The following PABPC4L variants were observed in gnomAD, a reference collection of about 807,000 sequenced individuals.
PABPC4L encodes polyadenylate-binding protein 4-like.
For synonymous variants in PABPC4L, 169 were observed against 164.1 expected (o/e 1.03, Z -0.23); for missense variants, 452 against 451.4 (o/e 1.00, Z -0.01).
the PABPC4L span, among the ~76,000 whole-genome samples, chr4:134,102,267 T>C: frequency 6.6e-6 from 1 of 151,506 alleles, no homozygotes; most frequent in Non-Finnish European, 1.5e-5. Flanking sequence ...TAAAATGACC[T>C]TCAAGATAAA....
chr4:134,117,720 G>GA, the PABPC4L span, among the ~76,000 whole-genome samples: 3 of 151,612 alleles, frequency 2.0e-5, no homozygotes, highest in Admixed American at 6.6e-5. Flanking sequence ...CTAGTTTGAA[G>GA]AAAAAAATCA....
At chr4:134,002,669 T>A in the PABPC4L span, among the ~76,000 whole-genome samples, 12 of 152,024 alleles carry the variant, frequency 7.9e-5, no homozygotes, top group Non-Finnish European at 1.5e-4. Context: ...ATTTGTTCAC[T>A]ACTTTATAAT....
chr4:134,170,982 C>A, the PABPC4L span, among the ~76,000 whole-genome samples: 7 of 152,112 alleles, frequency 4.6e-5, no homozygotes, highest in African/African-American at 1.4e-4. Flanking sequence ...TTATTTGCAA[C>A]CTTGCCAGCA....
the PABPC4L span, among the ~76,000 whole-genome samples, chr4:134,160,956 C>T: frequency 6.6e-6 from 1 of 151,748 alleles, no homozygotes; most frequent in African/African-American, 2.4e-5. Context: ...AACCAGTGAC[C>T]GATTCTGGAG....
chr4:134,050,876 CTTTATTTT>C, the PABPC4L span, among the ~76,000 whole-genome samples: 1 of 87,728 alleles, frequency 1.1e-5, no homozygotes, highest in Non-Finnish European at 2.2e-5. Flanking sequence ...CTATATTGAC[CTTTATTTT>C]TTTTTTTTTT....
the PABPC4L span, among the ~76,000 whole-genome samples, chr4:134,160,375 T>C: frequency 1.3e-5 from 2 of 152,048 alleles, no homozygotes; most frequent in African/African-American, 4.8e-5. Flanking sequence ...GCTATGTAAT[T>C]AGGAGTCTAC....
chr4:134,103,949 G>A, the PABPC4L span, among the ~76,000 whole-genome samples: 1 of 151,766 alleles, frequency 6.6e-6, no homozygotes, highest in Admixed American at 6.6e-5. Context: ...ACTGATGCCA[G>A]CTGAGTTTTT....
chr4:134,075,545 A>C, the PABPC4L span, among the ~76,000 whole-genome samples: 8 of 152,164 alleles, frequency 5.3e-5, no homozygotes, highest in Non-Finnish European at 1.0e-4. Context: ...TAGCATCCGA[A>C]GTAGACTGTG....
At chr4:134,191,459 T>C (rs1159146908), downstream of PABPC4L, among the ~76,000 whole-genome samples, 1 of 151,966 alleles carries the variant, frequency 6.6e-6, no homozygotes, top group Non-Finnish European at 1.5e-5. Context: ...TAAGTCTCAA[T>C]AAATTTAAAA....
chr4:134,014,205 A>T, the PABPC4L span, among the ~76,000 whole-genome samples: 4 of 152,140 alleles, frequency 2.6e-5, no homozygotes, highest in African/African-American at 4.8e-5. Context: ...CATTAAATAA[A>T]ACTCCAAAAA....
At chr4:134,084,259 C>T in the PABPC4L span, among the ~76,000 whole-genome samples, 6 of 151,966 alleles carry the variant, frequency 3.9e-5, no homozygotes, top group Non-Finnish European at 7.4e-5. Flanking sequence ...GTTTCCCAGG[C>T]TGGTATCAAA....
At chr4:134,177,816 C>A in the PABPC4L span, among the ~76,000 whole-genome samples, 1 of 152,062 alleles carries the variant, frequency 6.6e-6, no homozygotes. Context: ...ATGAACTCAG[C>A]TGATGAATGC....
chr4:134,150,838 C>G, the PABPC4L span, among the ~76,000 whole-genome samples: 2 of 152,008 alleles, frequency 1.3e-5, no homozygotes, highest in South Asian at 2.1e-4. Flanking sequence ...ATCCAGAATG[C>G]TTTTAGTAAC....
the PABPC4L span, among the ~76,000 whole-genome samples, chr4:134,025,875 T>C: frequency 6.6e-6 from 1 of 152,106 alleles, no homozygotes; most frequent in Non-Finnish European, 1.5e-5. Flanking sequence ...ACATAATTTT[T>C]TTACCAGCAT....
the PABPC4L span, among the ~76,000 whole-genome samples, chr4:134,024,330 A>G: frequency 6.6e-6 from 1 of 152,168 alleles, no homozygotes; most frequent in Non-Finnish European, 1.5e-5. Flanking sequence ...TAACAAAAAT[A>G]TAACAAACTC....
chr4:133,965,383 G>A, the PABPC4L span, among the ~76,000 whole-genome samples: 1 of 151,998 alleles, frequency 6.6e-6, no homozygotes, highest in African/African-American at 2.4e-5. Flanking sequence ...GTGTGATAAT[G>A]ACCATACTGC....
At chr4:134,186,992 G>C in the PABPC4L span, among the ~76,000 whole-genome samples, 17 of 152,196 alleles carry the variant, frequency 1.1e-4, no homozygotes, top group Admixed American at 2.0e-4. Flanking sequence ...ACCACAATGA[G>C]ATACCATCTC....
the PABPC4L span, among the ~76,000 whole-genome samples, chr4:134,135,129 C>T: frequency 1.8e-4 from 28 of 152,166 alleles, no homozygotes; most frequent in African/African-American, 6.5e-4. Context: ...TGATAAGACA[C>T]GCTAATTAAT....
At chr4:134,001,908 G>C in the PABPC4L span, among the ~76,000 whole-genome samples, 1 of 151,996 alleles carries the variant, frequency 6.6e-6, no homozygotes, top group African/African-American at 2.4e-5. Context: ...TAGTGTTCAT[G>C]GTTTCAGAGT....
Sources: gnomAD v4.1 joint callset for allele counts (sites outside exome capture counted in the v4.1 genomes callset) on GRCh38, gnomAD v4.1.1 for gene constraint, MANE v1.5 for transcripts, NCBI Gene and HGNC (gene_info 2026-07-23, HGNC 2026-07-21) for gene names.